COX10: variants seen among roughly 807,000 people sequenced by gnomAD.
COX10 encodes protoheme IX farnesyltransferase, mitochondrial.
A neutral mutation model predicts 37.3 loss-of-function variants in COX10; 27 were observed. The observed-to-expected ratio is 0.72, with a 90% CI of 0.53 to 1.00. COX10 has a LOEUF of 1.00. Among genes scored for constraint, COX10 ranks in the 50% least tolerant of loss-of-function variants. The pLI, the probability that COX10 is intolerant of heterozygous loss-of-function variation, is 0.00. For missense variants in COX10, 475 were observed against 563.2 expected, an observed-to-expected ratio of 0.84 and a Z score of 1.59; for synonymous variants, 222 against 229.1, an observed-to-expected ratio of 0.97 and a Z score of 0.28.
intron 4 of COX10, among the ~76,000 whole-genome samples, chr17:14,128,348 C>T (rs537738520): frequency 2.7e-4 from 41 of 152,012 alleles, no homozygotes; most frequent in South Asian, 1.5e-3. Flanking sequence ...ACATTAGAAA[C>T]AATGCTTATT....
chr17:14,107,851 T>A (rs908666333), intron 4 of COX10, among the ~76,000 whole-genome samples: 2 of 152,198 alleles, frequency 1.3e-5, no homozygotes, highest in Admixed American at 6.5e-5. Flanking sequence ...GGCCACTGGC[T>A]CTATAAGTGG....
chr17:14,133,963 A>C (rs1265319856), intron 4 of COX10, among the ~76,000 whole-genome samples: 1 of 151,570 alleles, frequency 6.6e-6, no homozygotes, highest in African/African-American at 2.4e-5. Context: ...ATGATGGATG[A>C]CTTTTACTAA....
chr17:14,092,374 T>C (rs1449220550), intron 3 of COX10, among the ~76,000 whole-genome samples: 1 of 152,092 alleles, frequency 6.6e-6, no homozygotes, highest in African/African-American at 2.4e-5. Flanking sequence ...GGACTTTCAG[T>C]CTAACTTTCA....
intron 5 of COX10, among the ~76,000 whole-genome samples, chr17:14,181,292 A>G (rs1276774949): frequency 6.6e-6 from 1 of 152,134 alleles, no homozygotes; most frequent in Non-Finnish European, 1.5e-5. Context: ...ATAATGGCCA[A>G]TAGACCAAAT....
intron 4 of COX10, among the ~76,000 whole-genome samples, chr17:14,142,654 A>G (rs1904581269): frequency 6.6e-6 from 1 of 152,304 alleles, no homozygotes; most frequent in Non-Finnish European, 1.5e-5. Flanking sequence ...CTTTATTGGA[A>G]ACTCTTAATA....
At chr17:14,078,675 C>T (rs1042130471) in intron 3 of COX10, among the ~76,000 whole-genome samples, 5 of 152,128 alleles carry the variant, frequency 3.3e-5, no homozygotes, top group South Asian at 2.1e-4. Context: ...TCCTCCGCCC[C>T]GCTTACCCTG....
chr17:14,102,142 C>G lies in COX10; in HGVS notation c.524C>G (p.Ala175Gly), dbSNP rs141466324. 1.8e-5 allele frequency: 29 copies of G among 1,613,592 alleles called. No homozygotes were observed. The highest frequency in any genetic ancestry group is 1.3e-4 in the Admixed American group (8 of 59,964). ...LTALVVSTTA[A>G]GFALAPGPFD... ...GCTCTGGTTGTAAGTACCACTGCAG[C>G]TGGATTTGCATTGGCTCCGGGCCCT... The change falls in exon 4 of 7, where the codon GCT (alanine) becomes GGT (glycine). Residue 175 changes from alanine to glycine, a missense_variant. Physicochemically the swap from Ala to Gly is moderately conservative, Grantham distance 60. Around this residue, in one of 5 missense-constraint regions of COX10, gnomAD observed 242 missense variants for 242.5 expected, o/e 1.00. Coordinates refer to ENST00000261643, the MANE Select transcript of COX10 (RefSeq NM_001303.4).
chr17:14,080,219 C>CTTTTT lies in COX10; in HGVS notation c.499+3181_499+3185dup, dbSNP rs71147840. Among the ~76,000 whole-genome samples the CTTTTT allele has an allele frequency of 1.8e-3, 189 of 102,630 alleles. 1 individual carries two copies. Among genetic ancestry groups the CTTTTT allele is most frequent in the East Asian group, 2.9e-3 (10 of 3,456 alleles). 67.3% of individuals were successfully genotyped at this position (102,630 alleles called of 152,430 possible). A position where few individuals can be genotyped will look rare whatever the true frequency, so the allele number is the denominator to read the frequency against. ...CAACAGCATTTGGGAATTAGACTTT[C>CTTTTT]TTTTTTTTTTTTTTTTTTTTTTGAG... On this transcript the variant is annotated intron_variant, in intron 3 of 6. Coordinates refer to ENST00000261643, the MANE Select transcript of COX10 (RefSeq NM_001303.4).
intron 5 of COX10, among the ~76,000 whole-genome samples, chr17:14,172,578 CTTTTTTTTTT>C (rs57560461): frequency 1.9e-5 from 2 of 105,636 alleles, no homozygotes; most frequent in African/African-American, 3.4e-5. Flanking sequence ...TTTTCTTTTT[CTTTTTTTTTT>C]TTTTTTTTTT....
At chr17:14,076,603 T>G in intron 2 of COX10, 132 bp from the exon 3 acceptor site, 1 of 826,074 alleles carries the variant, frequency 1.2e-6, no homozygotes, top group Non-Finnish European at 2.0e-6. Flanking sequence ...ACATGCCGAA[T>G]TAACAGATAT....
intron 3 of COX10, among the ~76,000 whole-genome samples, chr17:14,094,930 T>C (rs1252592675): frequency 8.5e-5 from 13 of 152,226 alleles, no homozygotes; most frequent in Admixed American, 8.5e-4. Context: ...AGTTGGTTAC[T>C]AGCGACATTT....
intron 4 of COX10, among the ~76,000 whole-genome samples, chr17:14,146,904 C>T (rs1904737673): frequency 6.6e-6 from 1 of 152,136 alleles, no homozygotes; most frequent in African/African-American, 2.4e-5. Context: ...TGCTCAACAT[C>T]ATCGATTATC....
rs1176773838 is a variant in COX10, at chr17:14,079,051, C to G, written c.499+1995C>G. ...TGGAATATGGCTTTGAAGTCAAGCA[C>G]ACTTGAGTTCAGATCTTGGCTCTGA... On this transcript the variant is annotated intron_variant, in intron 3 of 6. Transcript: ENST00000261643. Among the ~76,000 whole-genome samples, 4 of 152,268 alleles carry G rather than the reference C, an allele frequency of 2.6e-5. No homozygotes were observed. The South Asian group carries it at 8.3e-4, about 32-fold the overall frequency.
intron 4 of COX10, among the ~76,000 whole-genome samples, chr17:14,102,860 T>A (rs1915815552): frequency 6.6e-6 from 1 of 152,134 alleles, no homozygotes; most frequent in Non-Finnish European, 1.5e-5. Flanking sequence ...TAAGATATTA[T>A]AGTGAAAAAT....
intron 4 of COX10, among the ~76,000 whole-genome samples, chr17:14,155,921 G>A (rs1905031483): frequency 1.3e-5 from 2 of 152,028 alleles, no homozygotes; most frequent in South Asian, 4.2e-4. Context: ...CATCCTCCAA[G>A]TGGCAGTCAT....
intron 3 of COX10, 137 bp downstream of exon 3, chr17:14,077,193 A>G (rs1237615340): frequency 1.3e-6 from 1 of 762,798 alleles, no homozygotes; most frequent in Admixed American, 2.9e-5. Flanking sequence ...TCTTCAATTT[A>G]ACTGGGATTT....
chr17:14,086,673 G>T (rs984788325), intron 3 of COX10, among the ~76,000 whole-genome samples: 22 of 152,094 alleles, frequency 1.4e-4, no homozygotes, highest in African/African-American at 5.3e-4. Flanking sequence ...ATCAAATAAT[G>T]ATTAAGTTTA....
At chr17:14,139,874 A>G (rs1024313455) in intron 4 of COX10, among the ~76,000 whole-genome samples, 2 of 152,172 alleles carry the variant, frequency 1.3e-5, no homozygotes, top group African/African-American at 4.8e-5. Flanking sequence ...ATTCTGAGCA[A>G]TGTAGGCCTG....
At chr17:14,132,806 A>G (rs1386895608) in intron 4 of COX10, among the ~76,000 whole-genome samples, 2 of 151,702 alleles carry the variant, frequency 1.3e-5, no homozygotes. Flanking sequence ...TTATAGCTTC[A>G]AATACTTATT....
Sources: allele counts gnomAD v4.1 joint callset (sites outside exome capture counted in the v4.1 genomes callset), GRCh38; gene constraint gnomAD v4.1.1; regional missense constraint gnomAD v4.1.1; transcripts MANE v1.5; gene names NCBI Gene and HGNC (gene_info 2026-07-23, HGNC 2026-07-21).